CENPP: variants seen among roughly 807,000 people sequenced by gnomAD.
The protein encoded by CENPP is centromere protein P.
A neutral mutation model predicts 35.6 loss-of-function variants in CENPP; 24 were observed. That is an observed-to-expected ratio of 0.67 (90% CI 0.49 to 0.95). The LOEUF (loss-of-function observed/expected upper bound fraction) is 0.95. Among genes scored for constraint, CENPP ranks in the 40% least tolerant of loss-of-function variants. The probability of loss-of-function intolerance (pLI) is 0.00; values close to 1 mark genes in which losing one functional copy is unlikely to be tolerated. For missense variants in CENPP, 332 were observed against 345.3 expected (o/e 0.96, Z 0.31); for synonymous variants, 120 against 125.5 (o/e 0.96, Z 0.29).
At chr9:92,567,403 T>TAGATAGATAG (rs1176766190) in intron 5 of CENPP, among the ~76,000 whole-genome samples, 14 of 138,664 alleles carry the variant, frequency 1.0e-4, no homozygotes, top group African/African-American at 2.7e-4. Flanking sequence ...TATAGATATA[T>TAGATAGATAG]ATATAAAGTG....
Position 92,514,594 on chromosome 9 carries a change from TA to T in CENPP, c.565-96717del, listed in dbSNP as rs1847567145. 2.0e-6 allele frequency: 3 copies of T among 1,530,492 alleles called. No homozygotes were observed. The South Asian group carries it at 3.9e-5, about 20-fold the overall frequency. The allele number at this position is 1,530,492 out of a possible 1,614,324, so 94.8% of individuals were successfully genotyped here. On this transcript the variant is annotated intron_variant, in intron 5 of 7. Transcript: ENST00000375587. ...CCAGCTGCTAAGAGTCATTTACTTT[TA>T]AAGCACAAAATAAAGCAGAAGTCAA...
intron 5 of CENPP, among the ~76,000 whole-genome samples, chr9:92,444,067 A>G (rs964096328): frequency 2.0e-5 from 3 of 152,228 alleles, no homozygotes; most frequent in African/African-American, 7.2e-5. Context: ...TTTATGATAC[A>G]TATACACTGC....
chr9:92,611,449 G>A (rs1187402618), intron 6 of CENPP, 56 bp downstream of exon 6: 2 of 1,374,550 alleles, frequency 1.5e-6, no homozygotes, highest in African/African-American at 1.4e-5. Context: ...AGGATTCCAA[G>A]TAGGAGACCA....
At chr9:92,423,983 G>A (rs561363909) in intron 5 of CENPP, among the ~76,000 whole-genome samples, 1 of 151,856 alleles carries the variant, frequency 6.6e-6, no homozygotes, top group South Asian at 2.1e-4. Context: ...TTTTTATTGG[G>A]TAAATCTTAA....
chr9:92,549,169 A>T (rs2131323064), intron 5 of CENPP, among the ~76,000 whole-genome samples: 1 of 152,316 alleles, frequency 6.6e-6, no homozygotes, highest in Admixed American at 6.5e-5. Flanking sequence ...ACCCACTCAT[A>T]GGAAAATGGG....
At chr9:92,345,508 G>A (rs750471625) in intron 3 of CENPP, among the ~76,000 whole-genome samples, 191 bp from the exon 4 acceptor site, 38 of 147,176 alleles carry the variant, frequency 2.6e-4, no homozygotes, top group Non-Finnish European at 5.3e-4. Flanking sequence ...AAAAAAAAAA[G>A]GCATCTTACC....
intron 4 of CENPP, among the ~76,000 whole-genome samples, chr9:92,361,332 G>C (rs1030671606): frequency 6.6e-6 from 1 of 151,420 alleles, no homozygotes; most frequent in African/African-American, 2.4e-5. Flanking sequence ...GCAGAGACGG[G>C]GTTTCGCCGT....
intron 5 of CENPP, among the ~76,000 whole-genome samples, chr9:92,455,113 G>A (rs940638300): frequency 6.6e-6 from 1 of 152,194 alleles, no homozygotes; most frequent in African/African-American, 2.4e-5. Context: ...AGGTAGAGGG[G>A]AGGCTGGATG....
chr9:92,442,222 AC>A (rs1473780273), intron 5 of CENPP, among the ~76,000 whole-genome samples: 2 of 151,868 alleles, frequency 1.3e-5, no homozygotes, highest in Non-Finnish European at 2.9e-5. Flanking sequence ...ACATGGAGAA[AC>A]CCCGTCTCTA....
chr9:92,491,904 C>T (rs1846182002), intron 5 of CENPP, among the ~76,000 whole-genome samples: 1 of 152,104 alleles, frequency 6.6e-6, no homozygotes, highest in Non-Finnish European at 1.5e-5. Context: ...GGTCTAATTC[C>T]TGGCCTGAGG....
intron 5 of CENPP, chr9:92,404,514 GT>G (rs1030463507): frequency 7.7e-7 from 1 of 1,294,584 alleles, no homozygotes; most frequent in South Asian, 1.3e-5. Context: ...CTGTTTTGAA[GT>G]TTTTTGTGGT....
At chr9:92,549,497 A>G (rs974277498) in intron 5 of CENPP, among the ~76,000 whole-genome samples, 1 of 152,088 alleles carries the variant, frequency 6.6e-6, no homozygotes, top group Non-Finnish European at 1.5e-5. Context: ...AAATACAAAA[A>G]TTAGCTGGGC....
intron 5 of CENPP, 154 bp downstream of exon 5, chr9:92,380,013 A>G: frequency 1.7e-6 from 1 of 589,382 alleles, no homozygotes; most frequent in Non-Finnish European, 3.0e-6. Context: ...GAATAACTGG[A>G]GGAGGATTAC....
intron 5 of CENPP, chr9:92,464,730 G>C: frequency 1.4e-6 from 1 of 690,720 alleles, no homozygotes; most frequent in Non-Finnish European, 2.6e-6. Flanking sequence ...AAAAAATTGT[G>C]GCTTAATTCT....
chr9:92,619,513 G>T lies in CENPP; in HGVS notation c.*6364G>T. 6.3e-7 allele frequency: 1 copy of T among 1,593,324 alleles called. No individual in the cohort carries two copies. The highest frequency in any genetic ancestry group is 2.3e-5 in the East Asian group (1 of 44,298). On this transcript the variant is annotated 3_prime_UTR_variant, in exon 8 of 8. Coordinates refer to ENST00000375587, the MANE Select transcript of CENPP (RefSeq NM_001012267.3). ...GGCATCCTGCAGACAGGGAGACAGT[G>T]CAATCATGATGGAGCAGTCCTTGGC...
chr9:92,416,099 T>TTTATTTA (rs1402189465), intron 5 of CENPP, among the ~76,000 whole-genome samples: 9 of 132,850 alleles, frequency 6.8e-5, no homozygotes, highest in African/African-American at 2.2e-4. Context: ...TATTTATTTA[T>TTTATTTA]TTTATTTTTT....
At position 92,592,636 on chromosome 9, in the gene CENPP, A is replaced by G. The variant is rs1588302382; in HGVS notation, c.565-18678A>G. Among the ~76,000 whole-genome samples the G allele has an allele frequency of 3.9e-5, 6 of 152,308 alleles. No homozygotes were observed. The South Asian group carries it at 1.2e-3, about 32-fold the overall frequency. ...CGTGTGCAGATTTCTGTTGGGTGGAATTGCTGAATCATGTCATATACATAT... is the reference window on the plus strand; with the variant it reads ...CGTGTGCAGATTTCTGTTGGGTGGAGTTGCTGAATCATGTCATATACATAT... On this transcript the variant is annotated intron_variant, in intron 5 of 7. Transcript: ENST00000375587.
At chr9:92,503,732 G>A (rs1846825188) in intron 5 of CENPP, among the ~76,000 whole-genome samples, 1 of 152,108 alleles carries the variant, frequency 6.6e-6, no homozygotes, top group Non-Finnish European at 1.5e-5. Flanking sequence ...TGTTAATTTT[G>A]GTATTTGTTA....
intron 4 of CENPP, among the ~76,000 whole-genome samples, chr9:92,371,332 G>A (rs924996127): frequency 1.3e-5 from 2 of 152,036 alleles, no homozygotes; most frequent in Admixed American, 6.6e-5. Context: ...TTATTTCAAG[G>A]AATTTTTTTA....
Sources: allele counts gnomAD v4.1 joint callset (sites outside exome capture counted in the v4.1 genomes callset), GRCh38; gene constraint gnomAD v4.1.1; transcripts MANE v1.5; gene names NCBI Gene and HGNC (gene_info 2026-07-23, HGNC 2026-07-21).